The following BTBD7 variants were observed in gnomAD, a reference collection of about 807,000 sequenced individuals.
BTBD7 encodes the protein BTB domain containing 7.
A neutral mutation model predicts 99.9 loss-of-function variants in BTBD7; 38 were observed. The ratio of observed to expected loss-of-function variants is 0.38; its 90% CI spans 0.29 to 0.50. The LOEUF is 0.50. Ranked by LOEUF, BTBD7 falls within the 20% of genes least tolerant of loss-of-function variation. The pLI is 0.93. For synonymous variants in BTBD7, 520 were observed against 511.4 expected, an observed-to-expected ratio of 1.02 and a Z score of -0.23; for missense variants, 1,170 against 1,394.6, an observed-to-expected ratio of 0.84 and a Z score of 2.57.
intron 1 of BTBD7, among the ~76,000 whole-genome samples, chr14:93,321,508 G>A (rs868532632): frequency 6.6e-6 from 1 of 152,300 alleles, no homozygotes; most frequent in Non-Finnish European, 1.5e-5. Context: ...CAGGAGAATC[G>A]CTTGAACCCG....
intron 3 of BTBD7, among the ~76,000 whole-genome samples, chr14:93,284,576 A>G (rs185393821): frequency 2.0e-5 from 3 of 152,282 alleles, no homozygotes; most frequent in Admixed American, 2.0e-4. Context: ...AGGTTATTCA[A>G]AGATGACCAA....
rs191894917 is a variant in BTBD7 at position 93,295,322 on chromosome 14, C to T, written c.83-385G>A. On this transcript the variant is annotated intron_variant, in intron 2 of 10. Coordinates refer to ENST00000334746, the MANE Select transcript of BTBD7 (RefSeq NM_001002860.4). The stretch of plus-strand genomic sequence containing the variant: ...TTTTTTTGGTAGAGATAGGGTCTCA[C>T]TAATGTTGCTCAGGCTGGTCTTGAA... 3.6e-3 allele frequency among the ~76,000 whole-genome samples: 547 copies of T among 152,154 alleles called. 3 individuals are homozygous for T. Among genetic ancestry groups the T allele is most frequent in the Non-Finnish European group, 5.2e-3 (353 of 67,994 alleles).
At chr14:93,253,452 T>G (rs1161770300) in intron 7 of BTBD7, among the ~76,000 whole-genome samples, 195 bp downstream of exon 7, 2 of 152,230 alleles carry the variant, frequency 1.3e-5, no homozygotes, top group Non-Finnish European at 2.9e-5. Context: ...AACCTAAGTT[T>G]TAAAAACATG....
In BTBD7 at chr14:93,294,779, CGGCAGACCTATT is replaced by C; in HGVS notation, c.229_240del (p.Asn77_Ala80del). On this transcript the variant is annotated inframe_deletion, in exon 3 of 11. Coordinates refer to ENST00000334746, the MANE Select transcript of BTBD7 (RefSeq NM_001002860.4). ...AGTTCTCGCATCTGCTTGGCATGAT[CGGCAGACCTATT>C]AGATTTCCGACGCTTAATAAACTTC... 6.2e-7 allele frequency: 1 copy of C among 1,613,930 alleles called. No homozygotes were observed. The highest frequency in any genetic ancestry group is 8.5e-7 in the Non-Finnish European group (1 of 1,180,004).
chr14:93,300,667 C>T (rs7154608), intron 1 of BTBD7, among the ~76,000 whole-genome samples: 11,392 of 148,316 alleles, frequency 0.077, 976 homozygotes, highest in African/African-American at 0.21. Flanking sequence ...TCTTGAGTAC[C>T]TGGGACTACA....
chr14:93,318,351 G>A (rs891473330), intron 1 of BTBD7, among the ~76,000 whole-genome samples: 1 of 152,164 alleles, frequency 6.6e-6, no homozygotes, highest in African/African-American at 2.4e-5. Flanking sequence ...CATGAGGGGG[G>A]CTTTTGGAAT....
At position 93,244,107 on chromosome 14, in the gene BTBD7, G is replaced by T. The variant is rs1311149959; in HGVS notation, c.2584-1019C>A. ...AGTAGAGGAAGGGCAAGGATTCTCT[G>T]TATGCCCAGGGAAAGCAGCATGACA... On this transcript the variant is annotated intron_variant, in intron 10 of 10. Coordinates refer to ENST00000334746, the MANE Select transcript of BTBD7 (RefSeq NM_001002860.4). The T allele has an allele frequency of 1.8e-5, 9 of 486,760 alleles. No homozygotes were observed. In the East Asian group the frequency reaches 5.4e-4, roughly 29 times the overall value. The allele number at this position is 486,760 out of a possible 1,614,324, so 30.2% of individuals were successfully genotyped here.
At position 93,248,456 on chromosome 14, in the gene BTBD7, A is replaced by C. The variant is rs746865193; in HGVS notation, c.2121+20T>G. The C allele has an allele frequency of 6.2e-7, 1 of 1,610,520 alleles. No individual in the cohort carries two copies. The highest frequency in any genetic ancestry group is 2.2e-5 in the East Asian group (1 of 44,764). Reference sequence around the variant, plus strand: ...GTGACTGAGGCTCCCTATTTTAAACAGTTTAATGTCATTTCCTACCTGCAA... The same window carrying C: ...GTGACTGAGGCTCCCTATTTTAAACCGTTTAATGTCATTTCCTACCTGCAA... On this transcript the variant is annotated intron_variant, in intron 9 of 10. Coordinates refer to ENST00000334746, the MANE Select transcript of BTBD7 (RefSeq NM_001002860.4).
At chr14:93,265,087 C>G (rs1256191507) in intron 3 of BTBD7, among the ~76,000 whole-genome samples, 1 of 152,042 alleles carries the variant, frequency 6.6e-6, no homozygotes, top group African/African-American at 2.4e-5. Context: ...GGCGACAAAG[C>G]AAGACTCCGT....
intron 1 of BTBD7, among the ~76,000 whole-genome samples, chr14:93,329,414 T>G (rs1353428560): frequency 1.3e-5 from 2 of 152,064 alleles, no homozygotes; most frequent in Non-Finnish European, 2.9e-5. Flanking sequence ...CTGGAACCCT[T>G]GTGCACTGCT....
intron 8 of BTBD7, among the ~76,000 whole-genome samples, chr14:93,250,095 C>T (rs1257598203): frequency 6.6e-6 from 1 of 152,226 alleles, no homozygotes; most frequent in South Asian, 2.1e-4. Flanking sequence ...CAAAGTCATA[C>T]AAAGTAACAG....
intron 3 of BTBD7, among the ~76,000 whole-genome samples, chr14:93,284,556 C>T (rs916827623): frequency 6.6e-6 from 1 of 151,604 alleles, no homozygotes; most frequent in Admixed American, 6.6e-5. Context: ...AAGCAGTGTG[C>T]TAGGTTCTCA....
chr14:93,297,597 T>A (rs1015201223), intron 1 of BTBD7, among the ~76,000 whole-genome samples: 1 of 152,200 alleles, frequency 6.6e-6, no homozygotes, highest in Non-Finnish European at 1.5e-5. Flanking sequence ...GAACTAAAAT[T>A]ACCTCTATTA....
chr14:93,259,204 CTTTA>C (rs2052462640), intron 5 of BTBD7, among the ~76,000 whole-genome samples: 1 of 152,148 alleles, frequency 6.6e-6, no homozygotes, highest in Non-Finnish European at 1.5e-5. Flanking sequence ...TTTAAAGACA[CTTTA>C]TTTAATATAT....
At chr14:93,286,580 T>C (rs1196124325) in intron 3 of BTBD7, among the ~76,000 whole-genome samples, 1 of 152,188 alleles carries the variant, frequency 6.6e-6, no homozygotes, top group African/African-American at 2.4e-5. Flanking sequence ...TTCTGTTTTG[T>C]TCCTAAGAGT....
In BTBD7 at chr14:93,246,132, G is replaced by A. The variant is rs759769618; in HGVS notation, c.2276C>T (p.Pro759Leu). 2.4e-6 allele frequency: 3 copies of A among 1,248,226 alleles called. No individual in the cohort carries two copies. The highest frequency in any genetic ancestry group is 3.5e-5 in the African/African-American group (2 of 57,882). The allele number at this position is 1,248,226 out of a possible 1,614,324, so 77.3% of individuals were successfully genotyped here. ...DSFVAFHPPLPPPPPPYHPPA... is the reference protein window; with the variant it reads ...DSFVAFHPPLLPPPPPYHPPA... The stretch of plus-strand genomic sequence containing the variant: ...GGGGTGGTAGGGAGGTGGTGGAGGG[G>A]GCAAGGGTGGATGGAAGGCCACAAA... The change falls in exon 10 of 11, where the codon CCC (proline) becomes CTC (leucine). Residue 759 changes from proline to leucine, a missense_variant. Around this residue, in one of 4 missense-constraint regions of BTBD7, gnomAD observed 495 missense variants for 525.9 expected, o/e 0.94. Transcript: ENST00000334746.
chr14:93,321,679 C>T (rs1296367358), intron 1 of BTBD7, among the ~76,000 whole-genome samples: 4 of 152,270 alleles, frequency 2.6e-5, no homozygotes, highest in Admixed American at 1.3e-4. Context: ...AAGCATAAAT[C>T]AGTGGCGATA....
In BTBD7 at chr14:93,245,971, G is replaced by A. The variant is rs143877217; in HGVS notation, c.2437C>T (p.Pro813Ser). Residue 813 changes from proline (P) to serine (S), a missense_variant, in exon 10 of 11, where the codon CCC becomes TCC. Transcript: ENST00000334746. ...TTCACACTCGGCAAGTAGACTGGGG[G>A]AGGGCCAGCTTTAGGAGCTGTTCTG... ...HSRTAPKAGP[P>S]PVYLPSVKAA... 438 of 1,614,162 alleles carry A rather than the reference G, an allele frequency of 2.7e-4. 2 individuals are homozygous for A. Among genetic ancestry groups the A allele is most frequent in the Middle Eastern group, 2.1e-3 (13 of 6,060 alleles).
chr14:93,248,706 C>T (rs45461596), intron 8 of BTBD7, 52 bp from the exon 9 acceptor site: 56,011 of 1,478,564 alleles, frequency 0.038, 1,290 homozygotes, highest in Non-Finnish European at 0.044. Flanking sequence ...ACACAAAAGA[C>T]GACCCCGTGA....
Sources: allele counts gnomAD v4.1 joint callset (sites outside exome capture counted in the v4.1 genomes callset), GRCh38; gene constraint gnomAD v4.1.1; regional missense constraint gnomAD v4.1.1; transcripts MANE v1.5; gene names NCBI Gene and HGNC (gene_info 2026-07-23, HGNC 2026-07-21).